The following EVI5 variants were observed in gnomAD, a reference collection of about 807,000 sequenced individuals.
EVI5 encodes the protein ecotropic viral integration site 5, also known as ecotropic viral integration site 5 protein homolog.
In EVI5, 73 loss-of-function variants were observed where a neutral mutation model predicts 112.0. The observed-to-expected ratio is 0.65, with a 90% CI of 0.54 to 0.79. The LOEUF (loss-of-function observed/expected upper bound fraction) is 0.79. EVI5 is among the 30% of genes least tolerant of loss of function. The pLI, the probability that EVI5 is intolerant of heterozygous loss-of-function variation, is 0.00. For missense variants in EVI5, 900 were observed against 968.8 expected, an observed-to-expected ratio of 0.93 and a Z score of 0.94; for synonymous variants, 305 against 319.9, an observed-to-expected ratio of 0.95 and a Z score of 0.50.
At chr1:92,756,388 C>T (rs1680956679) in intron 1 of EVI5, 2 of 532,002 alleles carry the variant, frequency 3.8e-6, no homozygotes, top group Non-Finnish European at 7.6e-6. Flanking sequence ...TGCAAAATTA[C>T]CCCTTTCTAA....
At position 92,636,283 on chromosome 1, in the gene EVI5, T is replaced by C. The variant is rs147645475; in HGVS notation, c.1446A>G (p.Glu482=). The change falls in exon 14 of 20, where the codon GAA becomes GAG. Residue 482 remains glutamate (E), a synonymous_variant. Coordinates refer to ENST00000684568, the MANE Select transcript of EVI5 (RefSeq NM_001350197.2). ...CTTCACTCAGTCGGGCTTGGACCAA[T>C]TCCTTCTCTAGCTGTAGCACAAAAT... is the stretch of plus-strand genomic sequence containing the variant. ...NEDFVLQLEK[E]LVQARLSEAE... 122 of 1,613,776 alleles carry C rather than the reference T, an allele frequency of 7.6e-5. No homozygotes were observed. The East Asian group carries it at 2.5e-3, about 33-fold the overall frequency.
At chr1:92,709,949 T>TC (rs1235153313) in intron 2 of EVI5, among the ~76,000 whole-genome samples, 26 of 151,952 alleles carry the variant, frequency 1.7e-4, no homozygotes, top group African/African-American at 6.3e-4. Context: ...AGCCTTGAGC[T>TC]TGGCAGCTGG....
intron 1 of EVI5, among the ~76,000 whole-genome samples, chr1:92,771,068 G>A (rs1425664057): frequency 4.6e-5 from 7 of 151,852 alleles, no homozygotes; most frequent in East Asian, 2.0e-4. Context: ...CACCCACCTC[G>A]GCCTCCCAAA....
In EVI5 at chr1:92,785,058, G is replaced by T. The variant is rs754157695; in HGVS notation, c.-304C>A. 1.4e-5 allele frequency: 14 copies of T among 985,508 alleles called. No individual in the cohort carries two copies. The highest frequency in any genetic ancestry group is 1.7e-5 in the Non-Finnish European group (14 of 830,038). The allele number at this position is 985,508 out of a possible 1,614,324, so 61.0% of individuals were successfully genotyped here. ...CGGAACTGCAGCCAGCCCCTTGCCA[G>T]CTGGCCAGCTGGTTCCTCCGGGGTC... On this transcript the variant is annotated 5_prime_UTR_variant, in exon 1 of 20. The change creates a new upstream start codon in the 5' untranslated region. Transcript: ENST00000684568.
chr1:92,676,229 G>C (rs895513015), intron 10 of EVI5, among the ~76,000 whole-genome samples: 1 of 152,000 alleles, frequency 6.6e-6, no homozygotes, highest in Admixed American at 6.6e-5. Context: ...GGAGGACCAA[G>C]GCAGGAAAGA....
intron 19 of EVI5, among the ~76,000 whole-genome samples, chr1:92,518,668 A>AAG (rs1557698728): frequency 6.6e-6 from 1 of 150,880 alleles, no homozygotes; most frequent in African/African-American, 2.4e-5. Flanking sequence ...AAAAAAAAAA[A>AAG]GAGGTCTTAG....
At chr1:92,768,140 A>G (rs955885702) in intron 1 of EVI5, among the ~76,000 whole-genome samples, 3 of 42,016 alleles carry the variant, frequency 7.1e-5, no homozygotes, top group African/African-American at 2.4e-4. Flanking sequence ...AGTTTCAAAT[A>G]TAACAGGAAA....
intron 19 of EVI5, among the ~76,000 whole-genome samples, chr1:92,552,956 G>A (rs1443456234): frequency 1.3e-5 from 2 of 150,970 alleles, no homozygotes; most frequent in African/African-American, 4.9e-5. Context: ...TTACTATCAT[G>A]AGAGGCACAT....
At chr1:92,579,383 A>G (rs954577167) in intron 18 of EVI5, among the ~76,000 whole-genome samples, 1 of 152,242 alleles carries the variant, frequency 6.6e-6, no homozygotes, top group Non-Finnish European at 1.5e-5. Flanking sequence ...GGAAAACCAG[A>G]TTATAATTAC....
At chr1:92,617,992 T>A (rs1265453174) in intron 16 of EVI5, among the ~76,000 whole-genome samples, 1 of 152,154 alleles carries the variant, frequency 6.6e-6, no homozygotes, top group Non-Finnish European at 1.5e-5. Context: ...AATTCACTGG[T>A]CTTACCATGT....
At chr1:92,661,003 A>G (rs1178544845) in intron 13 of EVI5, among the ~76,000 whole-genome samples, 2 of 150,850 alleles carry the variant, frequency 1.3e-5, no homozygotes, top group Admixed American at 1.3e-4. Context: ...AGCCCTATTT[A>G]ATCATTTGGG....
chr1:92,790,781 T>TG (rs150243122), intron 1 of EVI5, among the ~76,000 whole-genome samples: 2,827 of 150,496 alleles, frequency 0.019, 113 homozygotes, highest in African/African-American at 0.065. Flanking sequence ...ATCACGCCAA[T>TG]GCACTGCACT....
chr1:92,564,338 C>T (rs1322128907), intron 18 of EVI5, among the ~76,000 whole-genome samples: 1 of 152,080 alleles, frequency 6.6e-6, no homozygotes, highest in Non-Finnish European at 1.5e-5. Flanking sequence ...ATTTTCTATT[C>T]ATACCGTAAG....
At chr1:92,648,011 C>T (rs1661293143) in intron 13 of EVI5, among the ~76,000 whole-genome samples, 1 of 146,426 alleles carries the variant, frequency 6.8e-6, no homozygotes, top group African/African-American at 2.5e-5. Context: ...TCTCAAAGTG[C>T]TGGGATTACA....
At chr1:92,664,482 ATT>A (rs1340659037) in intron 11 of EVI5, among the ~76,000 whole-genome samples, 2 of 47,600 alleles carry the variant, frequency 4.2e-5, no homozygotes, top group African/African-American at 8.5e-5. Flanking sequence ...TACTCCAAAG[ATT>A]TAAAAAAAAA....
chr1:92,589,392 G>C (rs1022575672), intron 18 of EVI5, among the ~76,000 whole-genome samples: 1 of 152,120 alleles, frequency 6.6e-6, no homozygotes, highest in East Asian at 1.9e-4. Context: ...CAGATGGCAC[G>C]TGGAAAATCA....
intron 13 of EVI5, among the ~76,000 whole-genome samples, chr1:92,649,819 C>T (rs955396326): frequency 2.0e-5 from 3 of 152,146 alleles, no homozygotes; most frequent in Admixed American, 6.5e-5. Context: ...TAAAACAAAA[C>T]AAAACTGTAA....
intron 19 of EVI5, among the ~76,000 whole-genome samples, chr1:92,559,845 A>C (rs942158493): frequency 3.6e-4 from 54 of 151,802 alleles, no homozygotes; most frequent in African/African-American, 1.2e-3. Context: ...CATCTGCAAA[A>C]CCTTTCACAA....
At chr1:92,618,013 C>T (rs1327737620) in intron 16 of EVI5, among the ~76,000 whole-genome samples, 1 of 152,266 alleles carries the variant, frequency 6.6e-6, no homozygotes, top group East Asian at 1.9e-4. Flanking sequence ...TCCCCATCAT[C>T]CTAAAGCAGC....
Sources: gnomAD v4.1 joint callset for allele counts (sites outside exome capture counted in the v4.1 genomes callset) on GRCh38, gnomAD v4.1.1 for gene constraint, MANE v1.5 for transcripts, NCBI Gene and HGNC (gene_info 2026-07-23, HGNC 2026-07-21) for gene names.